The following RPRD1B variants were observed in gnomAD, a reference collection of about 807,000 sequenced individuals.
RPRD1B encodes regulation of nuclear pre-mRNA domain containing 1B, also known as regulation of nuclear pre-mRNA domain-containing protein 1B.
A neutral mutation model predicts 41.5 loss-of-function variants in RPRD1B; 11 were observed. The observed-to-expected ratio is 0.27, with a 90% CI of 0.17 to 0.44. The LOEUF (loss-of-function observed/expected upper bound fraction) is 0.44, where lower values mean the gene tolerates loss of function less well. Among genes scored for constraint, RPRD1B ranks in the 20% least tolerant of loss-of-function variants. RPRD1B has a pLI of 1.00. For missense variants in RPRD1B, 248 were observed against 389.9 expected (o/e 0.64, Z 3.06); for synonymous variants, 158 against 155.6 (o/e 1.02, Z -0.12).
At chr20:38,072,510 C>G (rs1453288175) in intron 6 of RPRD1B, among the ~76,000 whole-genome samples, 1 of 152,126 alleles carries the variant, frequency 6.6e-6, no homozygotes, top group Non-Finnish European at 1.5e-5. Context: ...TTGCAATTCC[C>G]TATGAATTTA....
rs1006507550 is a variant in RPRD1B, at chr20:38,090,524, A to G, written c.*649A>G. On this transcript the variant is annotated 3_prime_UTR_variant, in exon 7 of 7. Coordinates refer to ENST00000373433, the MANE Select transcript of RPRD1B (RefSeq NM_021215.4). ...CAAAGCTAATCTGGAGCATAAAGGC[A>G]CAGTTCAGAGACAGAATAACAGGGA... 6.1e-6 allele frequency: 6 copies of G among 985,854 alleles called. No homozygotes were observed. Among genetic ancestry groups the G allele is most frequent in the Admixed American group, 6.1e-5 (1 of 16,274 alleles). 61.1% of individuals were successfully genotyped at this position (985,854 alleles called of 1,614,324 possible). A position where few individuals can be genotyped will look rare whatever the true frequency, so the allele number is the denominator to read the frequency against.
At chr20:38,078,975 T>G (rs1227764276) in intron 6 of RPRD1B, among the ~76,000 whole-genome samples, 1 of 152,248 alleles carries the variant, frequency 6.6e-6, no homozygotes, top group African/African-American at 2.4e-5. Context: ...ATAATTCTTT[T>G]TCTTCAACTC....
At chr20:38,053,752 T>C (rs984587850) in intron 3 of RPRD1B, among the ~76,000 whole-genome samples, 3 of 152,238 alleles carry the variant, frequency 2.0e-5, no homozygotes, top group Non-Finnish European at 4.4e-5. Context: ...CAGCTACATA[T>C]TGAATATATT....
rs76637532 is a variant in RPRD1B, at chr20:38,037,927, T to G, written c.152-2508T>G. ...CTTAATGAAATTTGCTTTGTTGAAG[T>G]TCTGTTTTGCTTTCGAATCTGCTAA... On this transcript the variant is annotated intron_variant, in intron 1 of 6. Coordinates refer to ENST00000373433, the MANE Select transcript of RPRD1B (RefSeq NM_021215.4). Among the ~76,000 whole-genome samples the G allele has an allele frequency of 9.0e-3, 1,363 of 152,264 alleles. 15 individuals carry two copies. The highest frequency in any genetic ancestry group is 0.03 in the African/African-American group (1,244 of 41,540).
At chr20:38,068,194 G>A (rs747430754) in intron 6 of RPRD1B, among the ~76,000 whole-genome samples, 12 of 152,184 alleles carry the variant, frequency 7.9e-5, no homozygotes, top group South Asian at 6.2e-4. Context: ...GTTGCTCTGC[G>A]CGGTTCATTC....
intron 1 of RPRD1B, 100 bp downstream of exon 1, chr20:38,034,198 C>A: frequency 5.4e-6 from 7 of 1,297,696 alleles, no homozygotes; most frequent in Non-Finnish European, 7.4e-6. Context: ...CCTTGCTTTC[C>A]AGGCCTGATC....
intron 3 of RPRD1B, among the ~76,000 whole-genome samples, chr20:38,056,869 AAG>A (rs1364208720): frequency 6.6e-6 from 1 of 152,232 alleles, no homozygotes; most frequent in Non-Finnish European, 1.5e-5. Context: ...TTGATGCAAA[AAG>A]AATGATTTTG....
chr20:38,091,812 AC>A lies in RPRD1B; in HGVS notation c.*1938del, dbSNP rs2074614413. On this transcript the variant is annotated 3_prime_UTR_variant, in exon 7 of 7. Transcript: ENST00000373433. ...AAATATAGCAGAATGGATTTAGCCC[AC>A]TGCTCTGTTTTATCCAACTGAGTCT... The A allele has an allele frequency of 1.0e-6, 1 of 985,692 alleles. No homozygotes were observed. Among genetic ancestry groups the A allele is most frequent in the African/African-American group, 1.7e-5 (1 of 57,236 alleles). The allele number at this position is 985,692 out of a possible 1,614,324, so 61.1% of individuals were successfully genotyped here.
chr20:38,079,247 C>CT (rs768539062), intron 6 of RPRD1B, among the ~76,000 whole-genome samples: 1,730 of 142,816 alleles, frequency 0.012, 6 homozygotes, highest in Non-Finnish European at 0.019. Context: ...CTTGGATTTT[C>CT]TTTTTTTTTT....
intron 2 of RPRD1B, among the ~76,000 whole-genome samples, chr20:38,046,248 A>G (rs1469120662): frequency 6.6e-6 from 1 of 152,214 alleles, no homozygotes; most frequent in Non-Finnish European, 1.5e-5. Context: ...GTCAGGACCC[A>G]GGCCTTCTTA....
intron 2 of RPRD1B, 26 bp downstream of exon 2, chr20:38,040,590 T>G: frequency 6.3e-7 from 1 of 1,582,774 alleles, no homozygotes; most frequent in Admixed American, 2.0e-5. Context: ...TTTGGATTTG[T>G]TTTTAAATTC....
At position 38,085,839 on chromosome 20, in the gene RPRD1B, C is replaced by CTT. The variant is rs774430421; in HGVS notation, c.832-3868_832-3867dup. Among the ~76,000 whole-genome samples the CTT allele has an allele frequency of 2.0e-3, 245 of 124,952 alleles. 5 individuals are homozygous for CTT. Among genetic ancestry groups the CTT allele is most frequent in the African/African-American group, 6.2e-3 (199 of 32,330 alleles). The allele number at this position is 124,952 out of a possible 152,430, so 82.0% of individuals were successfully genotyped here. A position where few individuals can be genotyped will look rare whatever the true frequency, so the allele number is the denominator to read the frequency against. ...TGGGGGAGTTTTGTTTGGAGTCAGT[C>CTT]TTTTTTTTTTTTTTTTTTTTGAGAC... is the stretch of plus-strand genomic sequence containing the variant. On this transcript the variant is annotated intron_variant, in intron 6 of 6. Transcript: ENST00000373433.
intron 6 of RPRD1B, among the ~76,000 whole-genome samples, chr20:38,068,497 A>G (rs1568656938): frequency 6.6e-6 from 1 of 152,124 alleles, no homozygotes; most frequent in African/African-American, 2.4e-5. Flanking sequence ...GGCTCAACCA[A>G]TCCCCCGTCT....
chr20:38,065,709 C>A (rs1402761065), intron 5 of RPRD1B, among the ~76,000 whole-genome samples: 1 of 152,090 alleles, frequency 6.6e-6, no homozygotes, highest in African/African-American at 2.4e-5. Flanking sequence ...TAGGGGCCAA[C>A]CGTAATATAA....
intron 4 of RPRD1B, 81 bp downstream of exon 4, chr20:38,057,725 A>C (rs2074258481): frequency 4.1e-6 from 4 of 980,356 alleles, no homozygotes; most frequent in African/African-American, 1.6e-5. Flanking sequence ...AGGTGGCGCC[A>C]GTGACCACTG....
At chr20:38,085,083 C>T (rs369742959) in intron 6 of RPRD1B, among the ~76,000 whole-genome samples, 32 of 152,250 alleles carry the variant, frequency 2.1e-4, no homozygotes, top group African/African-American at 7.0e-4. Flanking sequence ...ATAATGCGTG[C>T]GCTGGAGAGG....
chr20:38,042,734 A>G (rs2074079419), intron 2 of RPRD1B, among the ~76,000 whole-genome samples: 1 of 152,170 alleles, frequency 6.6e-6, no homozygotes, highest in African/African-American at 2.4e-5. Context: ...TAGCCTAATT[A>G]ACATATACTT....
chr20:38,061,290 CA>C (rs1396334383), intron 5 of RPRD1B, among the ~76,000 whole-genome samples: 1 of 152,176 alleles, frequency 6.6e-6, no homozygotes, highest in African/African-American at 2.4e-5. Flanking sequence ...CATCATTTTT[CA>C]CTTCCCATAT....
intron 1 of RPRD1B, among the ~76,000 whole-genome samples, chr20:38,039,407 C>CTT (rs1165738530): frequency 1.4e-5 from 2 of 141,716 alleles, no homozygotes; most frequent in South Asian, 2.2e-4. Context: ...TACAAGAAAC[C>CTT]TTTTTTTTTT....
Sources: gnomAD v4.1 joint callset for allele counts (sites outside exome capture counted in the v4.1 genomes callset) on GRCh38, gnomAD v4.1.1 for gene constraint, MANE v1.5 for transcripts, NCBI Gene and HGNC (gene_info 2026-07-23, HGNC 2026-07-21) for gene names.